KDM4C: variants seen among roughly 807,000 people sequenced by gnomAD.
KDM4C encodes the protein lysine demethylase 4C.
In KDM4C, 81 loss-of-function variants were observed where a neutral mutation model predicts 129.3. That is an observed-to-expected ratio of 0.63 (90% CI 0.52 to 0.75). KDM4C has a LOEUF of 0.75. Among genes scored for constraint, KDM4C ranks in the 30% least tolerant of loss-of-function variants. The pLI is 0.00. For synonymous variants in KDM4C, 573 were observed against 456.1 expected (o/e 1.26, Z -3.26); for missense variants, 1,457 against 1,304.0 (o/e 1.12, Z -1.81).
chr9:6,948,896 G>A (rs2131476000), intron 8 of KDM4C, among the ~76,000 whole-genome samples: 1 of 152,204 alleles, frequency 6.6e-6, no homozygotes, highest in African/African-American at 2.4e-5. Context: ...CTACACAGAT[G>A]CAGCAACAAT....
intron 4 of KDM4C, among the ~76,000 whole-genome samples, chr9:6,816,180 G>A (rs1832055362): frequency 6.6e-6 from 1 of 152,022 alleles, no homozygotes; most frequent in African/African-American, 2.4e-5. Flanking sequence ...AGTGGATTTG[G>A]CATCTATGGC....
intron 8 of KDM4C, among the ~76,000 whole-genome samples, chr9:6,913,283 C>G (rs551716141): frequency 6.6e-6 from 1 of 151,906 alleles, no homozygotes; most frequent in South Asian, 2.1e-4. Flanking sequence ...AAAATGTTTC[C>G]TAGTATTAAA....
chr9:6,768,387 A>G (rs556968374), intron 1 of KDM4C, among the ~76,000 whole-genome samples: 250 of 151,108 alleles, frequency 1.7e-3, no homozygotes, highest in African/African-American at 6.0e-3. Context: ...GGAATTTTAG[A>G]GATATTCTAT....
At chr9:6,882,807 C>T (rs917169263) in intron 6 of KDM4C, among the ~76,000 whole-genome samples, 7 of 127,154 alleles carry the variant, frequency 5.5e-5, no homozygotes, top group African/African-American at 1.1e-4. Context: ...TGTGTGTGTG[C>T]GCGTGTGCAC....
intron 8 of KDM4C, among the ~76,000 whole-genome samples, chr9:6,950,590 C>A (rs1827957950): frequency 6.6e-6 from 1 of 152,146 alleles, no homozygotes; most frequent in South Asian, 2.1e-4. Context: ...TCATCAAATG[C>A]TGGTTTAAGT....
chr9:6,812,214 G>A, intron 3 of KDM4C, among the ~76,000 whole-genome samples: 1 of 151,186 alleles, frequency 6.6e-6, no homozygotes, highest in Non-Finnish European at 1.5e-5. Flanking sequence ...TCCAGCCTGG[G>A]TGACAGAACA....
intron 6 of KDM4C, among the ~76,000 whole-genome samples, chr9:6,882,362 A>G (rs944101931): frequency 3.9e-5 from 6 of 152,248 alleles, no homozygotes; most frequent in Non-Finnish European, 8.8e-5. Flanking sequence ...AAAATGTCTA[A>G]ATCTCACCTA....
intron 8 of KDM4C, chr9:6,925,134 G>C (rs1032186255): frequency 1.0e-6 from 1 of 985,194 alleles, no homozygotes; most frequent in African/African-American, 1.7e-5. Flanking sequence ...CTCTTTCATG[G>C]ATGCCAAGCA....
At chr9:6,860,394 A>G (rs1430386004) in intron 5 of KDM4C, among the ~76,000 whole-genome samples, 3 of 152,192 alleles carry the variant, frequency 2.0e-5, no homozygotes, top group Admixed American at 1.3e-4. Context: ...ATTTTTAATT[A>G]GACTATACTT....
chr9:7,051,562 G>A (rs776689888), intron 17 of KDM4C, among the ~76,000 whole-genome samples: 6 of 152,132 alleles, frequency 3.9e-5, no homozygotes, highest in Non-Finnish European at 8.8e-5. Flanking sequence ...GTTCATGGCC[G>A]GCAGGAAAGC....
intron 11 of KDM4C, among the ~76,000 whole-genome samples, chr9:6,988,197 T>G (rs1818081622): frequency 6.8e-6 from 1 of 148,026 alleles, no homozygotes; most frequent in Non-Finnish European, 1.5e-5. Flanking sequence ...AAAAAAAATT[T>G]GCAACTTAAT....
Position 7,165,348 on chromosome 9 carries a change from C to A in KDM4C, c.2892C>A (p.His964Gln). 2 of 1,613,958 alleles carry A rather than the reference C, an allele frequency of 1.2e-6. No homozygotes were observed. Among genetic ancestry groups the A allele is most frequent in the Non-Finnish European group, 1.7e-6 (2 of 1,179,938 alleles). The change falls in exon 20 of 22, where the codon CAC (histidine) becomes CAA (glutamine). Residue 964 changes from histidine (H) to glutamine (Q), a missense_variant. By Grantham distance (24) the His-to-Gln change is conservative. Transcript: ENST00000381309. The stretch of plus-strand genomic sequence containing the variant: ...AATATTTTGGATCAAATATTGCCCA[C>A]ATGTACCAGGTGGGTTCTTCCTTCT... The part of the protein sequence containing the change: ...GAKYFGSNIA[H>Q]MYQVEFEDGS...
chr9:6,831,515 G>A (rs934231557), intron 4 of KDM4C, among the ~76,000 whole-genome samples: 6 of 152,058 alleles, frequency 3.9e-5, no homozygotes, highest in African/African-American at 1.4e-4. Context: ...GCTAATTTTT[G>A]TATTTTTAGT....
intron 6 of KDM4C, among the ~76,000 whole-genome samples, chr9:6,881,108 A>G (rs368885659): frequency 8.1e-4 from 123 of 152,314 alleles, no homozygotes; most frequent in Non-Finnish European, 1.6e-3. Flanking sequence ...TTCCTGCCTT[A>G]TATGTGCTTT....
chr9:6,753,301 A>T (rs1376960055), upstream of KDM4C, among the ~76,000 whole-genome samples: 2 of 152,204 alleles, frequency 1.3e-5, no homozygotes, highest in Non-Finnish European at 2.9e-5. Context: ...AAGAGTAAGC[A>T]CACCAGGCAT....
intron 8 of KDM4C, among the ~76,000 whole-genome samples, chr9:6,912,054 G>A (rs749683391): frequency 2.0e-5 from 3 of 152,216 alleles, no homozygotes; most frequent in Admixed American, 6.5e-5. Flanking sequence ...CTCCCAGGAG[G>A]TTGGCACAGA....
At chr9:6,825,853 C>T (rs1833785220) in intron 4 of KDM4C, among the ~76,000 whole-genome samples, 4 of 152,152 alleles carry the variant, frequency 2.6e-5, no homozygotes, top group African/African-American at 9.7e-5. Flanking sequence ...CTCCATTGCA[C>T]AGCCTGCAGT....
chr9:7,041,181 C>A (rs1166009460), intron 15 of KDM4C, among the ~76,000 whole-genome samples: 1 of 151,942 alleles, frequency 6.6e-6, no homozygotes, highest in Non-Finnish European at 1.5e-5. Context: ...TGTCTGTACT[C>A]AACATGTACA....
chr9:7,064,669 T>C (rs1357392467), intron 17 of KDM4C, among the ~76,000 whole-genome samples: 1 of 152,158 alleles, frequency 6.6e-6, no homozygotes, highest in African/African-American at 2.4e-5. Context: ...TATTGGACTT[T>C]CTTAATTTGA....
Sources: allele counts gnomAD v4.1 joint callset (sites outside exome capture counted in the v4.1 genomes callset), GRCh38; gene constraint gnomAD v4.1.1; transcripts MANE v1.5; gene names NCBI Gene and HGNC (gene_info 2026-07-23, HGNC 2026-07-21).